Variants in DTWD2 observed in about 807,000 individuals in gnomAD.
DTWD2 encodes DTW motif tRNA-uridine aminocarboxypropyltransferase 2, also known as tRNA-uridine aminocarboxypropyltransferase 2.
In DTWD2, 39 loss-of-function variants were observed where a neutral mutation model predicts 31.8. That is an observed-to-expected ratio of 1.22 (90% CI 0.95 to 1.60). The LOEUF is 1.60. Ranked by LOEUF, DTWD2 falls within the 40% of genes most tolerant of loss-of-function variation. The pLI, the probability that DTWD2 is intolerant of heterozygous loss-of-function variation, is 0.00. For synonymous variants in DTWD2, 180 were observed against 142.8 expected, an observed-to-expected ratio of 1.26 and a Z score of -1.86; for missense variants, 515 against 381.5, an observed-to-expected ratio of 1.35 and a Z score of -2.92.
chr5:118,923,511 G>A (rs541385367), intron 4 of DTWD2, among the ~76,000 whole-genome samples: 1 of 152,250 alleles, frequency 6.6e-6, no homozygotes, highest in South Asian at 2.1e-4. Context: ...GAGCTCCAAG[G>A]GTAAGGGAGG....
chr5:118,918,925 C>T (rs1450446653), intron 4 of DTWD2, among the ~76,000 whole-genome samples: 1 of 152,116 alleles, frequency 6.6e-6, no homozygotes, highest in African/African-American at 2.4e-5. Context: ...ACACATTTGC[C>T]ACCACTCATA....
At chr5:118,923,717 G>C (rs1580411197) in intron 4 of DTWD2, among the ~76,000 whole-genome samples, 2 of 152,156 alleles carry the variant, frequency 1.3e-5, no homozygotes, top group South Asian at 4.2e-4. Flanking sequence ...AACGTGCCTC[G>C]GTCTCTTTTC....
chr5:118,904,138 A>G (rs893989144), intron 4 of DTWD2, among the ~76,000 whole-genome samples: 5 of 152,078 alleles, frequency 3.3e-5, no homozygotes, highest in African/African-American at 1.2e-4. Context: ...AGGGCTGTTG[A>G]GATTATGAGA....
rs142706983 is a variant in DTWD2, at chr5:118,873,672, C to T, written c.598-25454G>A. On this transcript the variant is annotated intron_variant, in intron 4 of 5. Transcript: ENST00000510708. ...ACTGACGGCTCCCTTGGTGGGCACA[C>T]AGCCAGCATGGCCCGCTTTCACCAG... Among the ~76,000 whole-genome samples the T allele has an allele frequency of 1.5e-3, 235 of 152,360 alleles. 2 individuals are homozygous for T. The highest frequency in any genetic ancestry group is 5.4e-3 in the African/African-American group (226 of 41,582).
intron 4 of DTWD2, among the ~76,000 whole-genome samples, chr5:118,876,243 T>C (rs1431794391): frequency 6.6e-6 from 1 of 151,926 alleles, no homozygotes; most frequent in African/African-American, 2.4e-5. Flanking sequence ...AATGCCCACA[T>C]CAAAAAGTTA....
At chr5:118,887,662 A>C (rs1479897274) in intron 4 of DTWD2, among the ~76,000 whole-genome samples, 1 of 152,194 alleles carries the variant, frequency 6.6e-6, no homozygotes, top group Non-Finnish European at 1.5e-5. Flanking sequence ...TGTTTTACAC[A>C]GGACGGAGGG....
intron 4 of DTWD2, among the ~76,000 whole-genome samples, chr5:118,851,248 A>T (rs1300993697): frequency 6.6e-6 from 1 of 151,746 alleles, no homozygotes; most frequent in Non-Finnish European, 1.5e-5. Context: ...AGAAAGAAAA[A>T]ACTATCAGGG....
At chr5:118,889,333 A>G (rs984932094) in intron 4 of DTWD2, among the ~76,000 whole-genome samples, 2 of 152,216 alleles carry the variant, frequency 1.3e-5, no homozygotes, top group African/African-American at 4.8e-5. Context: ...GGAGAAAAAT[A>G]AACTGGAAAA....
intron 4 of DTWD2, among the ~76,000 whole-genome samples, chr5:118,908,552 A>G (rs1342036624): frequency 6.6e-6 from 1 of 152,190 alleles, no homozygotes; most frequent in African/African-American, 2.4e-5. Context: ...AATAAATAAC[A>G]AATGAGTAAA....
At chr5:118,916,397 G>A (rs1753577811) in intron 4 of DTWD2, among the ~76,000 whole-genome samples, 1 of 152,162 alleles carries the variant, frequency 6.6e-6, no homozygotes, top group Non-Finnish European at 1.5e-5. Flanking sequence ...CGGGTGCAGT[G>A]GCTCATGTCT....
In DTWD2 at chr5:118,939,302, A is replaced by G; in HGVS notation, c.310-12T>C. On this transcript the variant is annotated splice_polypyrimidine_tract_variant and intron_variant, in intron 2 of 5. Transcript: ENST00000510708. ...AACACTTTGTTTTCCTTTAATTAAA[A>G]AATGAATTGAAACATAGATTTTTAC... 1 of 1,549,220 alleles carries G rather than the reference A, an allele frequency of 6.5e-7. No individual in the cohort carries two copies. Among genetic ancestry groups the G allele is most frequent in the Non-Finnish European group, 8.7e-7 (1 of 1,147,634 alleles).
At chr5:118,964,043 C>T (rs1411559754) in intron 1 of DTWD2, among the ~76,000 whole-genome samples, 1 of 152,012 alleles carries the variant, frequency 6.6e-6, no homozygotes, top group Non-Finnish European at 1.5e-5. Context: ...AACCTCATCT[C>T]TATTAAAAAT....
chr5:118,987,515 T>G (rs34671950), intron 1 of DTWD2, among the ~76,000 whole-genome samples: 21,333 of 152,216 alleles, frequency 0.14, 1,630 homozygotes, highest in Middle Eastern at 0.21. Flanking sequence ...TCAGAGATAG[T>G]TCATGACACC....
rs888387328 is a variant in DTWD2, at chr5:118,839,527, T to A, written c.*1390A>T. ...ACACCACCACATCTGGCTAATTATT[T>A]TTTTTTTAATTTTGTATGGAGATGG... is the stretch of plus-strand genomic sequence containing the variant. On this transcript the variant is annotated 3_prime_UTR_variant, in exon 6 of 6. Transcript: ENST00000510708. 2 of 151,676 alleles carry A rather than the reference T, an allele frequency of 1.3e-5. No homozygotes were observed. The highest frequency in any genetic ancestry group is 2.4e-5 in the African/African-American group (1 of 41,256). The allele number at this position is 151,676 out of a possible 1,614,324, so 9.4% of individuals were successfully genotyped here.
At chr5:118,952,418 G>A (rs1754487280) in intron 1 of DTWD2, among the ~76,000 whole-genome samples, 1 of 152,122 alleles carries the variant, frequency 6.6e-6, no homozygotes, top group Non-Finnish European at 1.5e-5. Context: ...CATTTTATAG[G>A]AGTTGGGTAG....
At chr5:118,925,289 G>T (rs1753785398) in intron 4 of DTWD2, among the ~76,000 whole-genome samples, 1 of 151,986 alleles carries the variant, frequency 6.6e-6, no homozygotes, top group Non-Finnish European at 1.5e-5. Flanking sequence ...AAAACATAAA[G>T]AAAAATACAA....
chr5:118,960,623 C>T (rs1022991339), intron 1 of DTWD2, among the ~76,000 whole-genome samples: 1 of 152,114 alleles, frequency 6.6e-6, no homozygotes, highest in African/African-American at 2.4e-5. Flanking sequence ...AAGACCCATG[C>T]ACATGTATGT....
At chr5:118,963,565 A>T (rs1258430532) in intron 1 of DTWD2, among the ~76,000 whole-genome samples, 4 of 152,236 alleles carry the variant, frequency 2.6e-5, no homozygotes, top group Admixed American at 1.3e-4. Flanking sequence ...CAGGAAAGGA[A>T]TAAAATGAGC....
intron 4 of DTWD2, among the ~76,000 whole-genome samples, chr5:118,910,562 T>C (rs1287089836): frequency 4.6e-5 from 7 of 152,188 alleles, no homozygotes; most frequent in Non-Finnish European, 8.8e-5. Context: ...CAATTGCCCT[T>C]AATGCTCCGT....
Sources: allele counts gnomAD v4.1 joint callset (sites outside exome capture counted in the v4.1 genomes callset), GRCh38; gene constraint gnomAD v4.1.1; transcripts MANE v1.5; gene names NCBI Gene and HGNC (gene_info 2026-07-23, HGNC 2026-07-21).